BNC2: variants seen among roughly 807,000 people sequenced by gnomAD.
BNC2 encodes basonuclin zinc finger protein 2, also known as zinc finger protein basonuclin-2.
In BNC2, 20 loss-of-function variants were observed where a neutral mutation model predicts 76.3. That is an observed-to-expected ratio of 0.26 (90% CI 0.18 to 0.38). BNC2 has a LOEUF of 0.38. Among genes scored for constraint, BNC2 ranks in the 10% least tolerant of loss-of-function variants. The pLI is 1.00. For missense variants in BNC2, 1,382 were observed against 1,399.8 expected, an observed-to-expected ratio of 0.99 and a Z score of 0.20; for synonymous variants, 582 against 514.8, an observed-to-expected ratio of 1.13 and a Z score of -1.77.
At chr9:16,644,526 C>T (rs1220605495) in intron 3 of BNC2, among the ~76,000 whole-genome samples, 1 of 152,002 alleles carries the variant, frequency 6.6e-6, no homozygotes, top group Non-Finnish European at 1.5e-5. Flanking sequence ...CATTTATAGT[C>T]ATAGGGATTC....
At chr9:16,510,559 T>C (rs1296351072) in intron 5 of BNC2, among the ~76,000 whole-genome samples, 1 of 152,218 alleles carries the variant, frequency 6.6e-6, no homozygotes, top group Non-Finnish European at 1.5e-5. Context: ...CTGTATATAT[T>C]TGCACCAGCT....
chr9:16,592,217 A>G (rs1819949922), intron 3 of BNC2, among the ~76,000 whole-genome samples: 1 of 152,194 alleles, frequency 6.6e-6, no homozygotes, highest in African/African-American at 2.4e-5. Context: ...TCACTGGGAA[A>G]AGTTGACCTT....
rs535996490 is a variant in BNC2 at position 16,690,866 on chromosome 9, G to A, written c.330+36931C>T. Reference sequence around the variant, plus strand: ...CGGAGGTGGGGGGATGCCAGGGTGCGGGGTGGAGCAGGCACAATGTCCTCA... The same window carrying A: ...CGGAGGTGGGGGGATGCCAGGGTGCAGGGTGGAGCAGGCACAATGTCCTCA... On this transcript the variant is annotated intron_variant, in intron 3 of 6. Transcript: ENST00000380672. Among the ~76,000 whole-genome samples the A allele has an allele frequency of 1.6e-4, 25 of 152,242 alleles. No homozygotes were observed. In the South Asian group the frequency reaches 3.9e-3, roughly 24 times the overall value.
intron 3 of BNC2, among the ~76,000 whole-genome samples, chr9:16,696,021 T>C (rs528698256): frequency 1.3e-5 from 2 of 152,330 alleles, no homozygotes; most frequent in East Asian, 1.9e-4. Flanking sequence ...TCAGTTCTGA[T>C]AGCCTGTCCA....
intron 3 of BNC2, among the ~76,000 whole-genome samples, chr9:16,718,771 A>G (rs1824062751): frequency 6.6e-6 from 1 of 152,204 alleles, no homozygotes; most frequent in African/African-American, 2.4e-5. Flanking sequence ...TCTTTGGGGA[A>G]AGCCACCCAC....
chr9:16,757,780 C>T (rs1375201242), intron 1 of BNC2, among the ~76,000 whole-genome samples: 1 of 150,028 alleles, frequency 6.7e-6, no homozygotes, highest in Non-Finnish European at 1.5e-5. Flanking sequence ...TATTTAAAAG[C>T]AAAATTAATT....
chr9:16,826,338 T>G (rs2135984546), intron 1 of BNC2, among the ~76,000 whole-genome samples: 1 of 151,210 alleles, frequency 6.6e-6, no homozygotes, highest in East Asian at 2.0e-4. Flanking sequence ...AACTAGAAGG[T>G]TTTAAAAGCA....
intron 1 of BNC2, among the ~76,000 whole-genome samples, chr9:16,855,097 C>T (rs146844728): frequency 6.6e-5 from 10 of 151,926 alleles, no homozygotes; most frequent in Admixed American, 2.6e-4. Flanking sequence ...GAGTATTCCA[C>T]CTCATATGGT....
chr9:16,823,427 CAAAAAAA>C (rs34451487), intron 1 of BNC2, among the ~76,000 whole-genome samples: 2 of 113,104 alleles, frequency 1.8e-5, no homozygotes, highest in East Asian at 4.9e-4. Flanking sequence ...CCTGTCTCTA[CAAAAAAA>C]AAAAAAAAAA....
At chr9:16,851,072 C>T (rs368983861) in intron 1 of BNC2, among the ~76,000 whole-genome samples, 3 of 152,208 alleles carry the variant, frequency 2.0e-5, no homozygotes, top group East Asian at 3.9e-4. Flanking sequence ...TTTGTAACTG[C>T]TTATTTGTGG....
intron 5 of BNC2, among the ~76,000 whole-genome samples, chr9:16,526,467 CTTTTTTTTTTTT>C (rs144511624): frequency 8.2e-5 from 4 of 48,820 alleles, no homozygotes; most frequent in East Asian, 6.5e-4. Flanking sequence ...TAGTTTAATG[CTTTTTTTTTTTT>C]TTTTTTTTTT....
At chr9:16,676,884 G>A (rs890102961) in intron 3 of BNC2, among the ~76,000 whole-genome samples, 5 of 152,128 alleles carry the variant, frequency 3.3e-5, no homozygotes, top group African/African-American at 1.2e-4. Context: ...CACTGTTGAA[G>A]ATATTATCAT....
At chr9:16,677,620 T>C (rs1313420824) in intron 3 of BNC2, among the ~76,000 whole-genome samples, 1 of 86,982 alleles carries the variant, frequency 1.1e-5, no homozygotes, top group Non-Finnish European at 2.1e-5. Context: ...AGCAATATCC[T>C]GACTACTGGT....
At chr9:16,600,212 G>T (rs1039076068) in intron 3 of BNC2, among the ~76,000 whole-genome samples, 1 of 152,148 alleles carries the variant, frequency 6.6e-6, no homozygotes, top group East Asian at 1.9e-4. Context: ...CAATTAGTGT[G>T]TTCTACTTGA....
chr9:16,478,580 A>C (rs931711858), intron 5 of BNC2, among the ~76,000 whole-genome samples: 2 of 152,230 alleles, frequency 1.3e-5, no homozygotes, highest in African/African-American at 4.8e-5. Flanking sequence ...TTCTGATCTT[A>C]TTCTTCAATG....
At chr9:16,526,443 A>G (rs1817802944) in intron 5 of BNC2, among the ~76,000 whole-genome samples, 1 of 116,534 alleles carries the variant, frequency 8.6e-6, no homozygotes. Flanking sequence ...CAATGCTGGG[A>G]TTACTTCCCA....
At chr9:16,697,301 C>T (rs141661812) in intron 3 of BNC2, among the ~76,000 whole-genome samples, 1,795 of 152,146 alleles carry the variant, frequency 0.012, 36 homozygotes, top group African/African-American at 0.04. Context: ...GCCGAGATTG[C>T]GCCACTGAAC....
intron 5 of BNC2, among the ~76,000 whole-genome samples, chr9:16,547,274 G>C (rs939950976): frequency 7.2e-5 from 11 of 152,196 alleles, no homozygotes; most frequent in Admixed American, 2.0e-4. Context: ...AGAAGGCATG[G>C]GAGCCTTTAC....
intron 3 of BNC2, among the ~76,000 whole-genome samples, chr9:16,721,310 T>C (rs1465733853): frequency 1.3e-5 from 2 of 152,220 alleles, no homozygotes; most frequent in African/African-American, 2.4e-5. Context: ...TCCTGAATTA[T>C]GTCTCTTTTC....
Sources: allele counts gnomAD v4.1 joint callset (sites outside exome capture counted in the v4.1 genomes callset), GRCh38; gene constraint gnomAD v4.1.1; transcripts MANE v1.5; gene names NCBI Gene and HGNC (gene_info 2026-07-23, HGNC 2026-07-21).